The following NEB variants were observed in gnomAD, a reference collection of about 807,000 sequenced individuals.
NEB encodes the protein nebulin, also known as nemaline myopathy type 2.
In NEB, 512 loss-of-function variants were observed where a neutral mutation model predicts 952.2. That is an observed-to-expected ratio of 0.54 (90% CI 0.50 to 0.58). The LOEUF (loss-of-function observed/expected upper bound fraction) is 0.58, where lower values mean the gene tolerates loss of function less well. NEB is among the 20% of genes least tolerant of loss of function. The pLI is 0.00. For missense variants in NEB, 8,428 were observed against 9,231.1 expected (o/e 0.91, Z 3.56); for synonymous variants, 2,900 against 3,149.8 (o/e 0.92, Z 2.66).
intron 33 of NEB, 22 bp from the exon 34 acceptor site, chr2:151,677,793 G>A (rs1327698927): frequency 1.9e-6 from 3 of 1,613,460 alleles, no homozygotes; most frequent in Admixed American, 1.7e-5. Context: ...GAGAAAAGAG[G>A]AGTGAGGGCC....
chr2:151,662,300 A>G lies in NEB; in HGVS notation c.5805T>C (p.Ile1935=), dbSNP rs371554127. The change falls in exon 46 of 182, where the codon ATT becomes ATC. Residue 1935 remains isoleucine (I), a synonymous_variant. Coordinates refer to ENST00000397345, the MANE Select transcript of NEB (RefSeq NM_001164508.2). ...CCAGGGAGCCCAGAGGGAGCCATCCAATGCCCTTCATGAAGTCAGCATAGT... is the reference window on the plus strand; with the variant it reads ...CCAGGGAGCCCAGAGGGAGCCATCCGATGCCCTTCATGAAGTCAGCATAGT... ...KADYADFMKG[I]GWLPLGSLEA... 5.0e-6 allele frequency: 8 copies of G among 1,613,524 alleles called. No individual in the cohort carries two copies. The African/African-American group carries it at 9.3e-5, about 19-fold the overall frequency.
intron 13 of NEB, among the ~76,000 whole-genome samples, chr2:151,704,479 T>C (rs2149738891): frequency 6.6e-6 from 1 of 151,108 alleles, no homozygotes; most frequent in East Asian, 1.9e-4. Context: ...CCTTGCAGTT[T>C]GATCTCAGAC....
At position 151,710,357 on chromosome 2, in the gene NEB, G is replaced by A. The variant is rs888266613; in HGVS notation, c.927+77C>T. 3 of 939,950 alleles carry A rather than the reference G, an allele frequency of 3.2e-6. No individual in the cohort carries two copies. In the African/African-American group the frequency reaches 4.9e-5, roughly 15 times the overall value. 58.2% of individuals were successfully genotyped at this position (939,950 alleles called of 1,614,324 possible). ...AAGTGTTCTGGCACCCATTCAGGTA[G>A]AGCAAGTAGCTAGAAGTCACTAAGG... On this transcript the variant is annotated intron_variant, in intron 11 of 181. Coordinates refer to ENST00000397345, the MANE Select transcript of NEB (RefSeq NM_001164508.2).
intron 13 of NEB, among the ~76,000 whole-genome samples, chr2:151,704,838 C>A (rs1172733029): frequency 1.3e-5 from 2 of 152,208 alleles, no homozygotes; most frequent in Admixed American, 1.3e-4. Context: ...CTCGCTCACG[C>A]TGGGAGCTGT....
intron 145 of NEB, chr2:151,530,788 G>C (rs2090266948): frequency 4.8e-6 from 2 of 419,178 alleles, no homozygotes; most frequent in East Asian, 7.4e-5. Flanking sequence ...TGAGCCCCAG[G>C]TGTCTGCCAG....
intron 164 of NEB, among the ~76,000 whole-genome samples, chr2:151,505,773 T>C (rs1473163255): frequency 1.3e-5 from 2 of 152,152 alleles, no homozygotes; most frequent in African/African-American, 2.4e-5. Context: ...GCTTTGTCTC[T>C]CTCTCGTCTC....
chr2:151,537,835 G>T, intron 140 of NEB, 37 bp downstream of exon 140: 1 of 1,364,168 alleles, frequency 7.3e-7, no homozygotes, highest in East Asian at 2.4e-5. Context: ...ATGGGAATAT[G>T]AATTTATATG....
intron 161 of NEB, among the ~76,000 whole-genome samples, chr2:151,509,570 G>C (rs6433469): frequency 6.6e-6 from 1 of 151,872 alleles, no homozygotes; most frequent in African/African-American, 2.4e-5. Context: ...GCTATTTCTC[G>C]TGGCCCAATA....
In NEB at chr2:151,710,938, C is replaced by T. The variant is rs112396829; in HGVS notation, c.823-400G>A. ...CGTTAATTTCTAAGCTTTACAAACA[C>T]TCCTAGTTTTCCAGAAAGAAACAAC... On this transcript the variant is annotated intron_variant, in intron 10 of 181. Transcript: ENST00000397345. Among the ~76,000 whole-genome samples, 308 of 152,342 alleles carry T rather than the reference C, an allele frequency of 2.0e-3. 1 individual carries two copies. The highest frequency in any genetic ancestry group is 7.2e-3 in the African/African-American group (298 of 41,578).
intron 20 of NEB, 47 bp downstream of exon 20, chr2:151,694,276 C>A: frequency 2.6e-6 from 4 of 1,516,886 alleles, no homozygotes; most frequent in Non-Finnish European, 1.8e-6. Context: ...TAAACAGCAA[C>A]TTTGTGGCCA....
chr2:151,679,660 G>GGGCCCCC, intron 32 of NEB, 61 bp downstream of exon 32: 4 of 682,634 alleles, frequency 5.9e-6, no homozygotes, highest in African/African-American at 3.5e-5. Flanking sequence ...GTCATCGTCA[G>GGGCCCCC]ACCCCAAGCC....
At chr2:151,684,150 T>A (rs2099463864) in intron 28 of NEB, among the ~76,000 whole-genome samples, 1 of 152,216 alleles carries the variant, frequency 6.6e-6, no homozygotes, top group Admixed American at 6.5e-5. Context: ...TGTACAACAA[T>A]GTTAATATAC....
chr2:151,625,628 G>C lies in NEB; in HGVS notation c.10358C>G (p.Thr3453Arg), dbSNP rs781408732. The C allele has an allele frequency of 7.5e-6, 12 of 1,600,572 alleles. No individual in the cohort carries two copies. The highest frequency in any genetic ancestry group is 2.6e-6 in the Non-Finnish European group (3 of 1,170,962). Residue 3453 changes from threonine (T) to arginine (R), a missense_variant, in exon 71 of 182, where the codon ACA becomes AGA. Thr to Arg is a moderately conservative substitution (Grantham distance 71). Around this residue, in one of 11 missense-constraint regions of NEB, gnomAD observed 1,772 missense variants for 1,960.3 expected, o/e 0.90. Transcript: ENST00000397345. The stretch of plus-strand genomic sequence containing the variant: ...GGTCTTGTCTTTGTCCCAGGCTTCT[G>C]TGTATAAGCGCTGTGAAGGATAAAA... ...NALNMNKRLYTEAWDKDKTQV... is the reference protein window; with the variant it reads ...NALNMNKRLYREAWDKDKTQV...
At position 151,610,768 on chromosome 2, in the gene NEB, G is replaced by A; in HGVS notation, c.11904C>T (p.Ile3968=). 1 of 1,607,962 alleles carries A rather than the reference G, an allele frequency of 6.2e-7. No individual in the cohort carries two copies. Among genetic ancestry groups the A allele is most frequent in the Non-Finnish European group, 8.5e-7 (1 of 1,176,124 alleles). The stretch of plus-strand genomic sequence containing the variant: ...CAATCAGGAAATCTCTTACTTGGCT[G>A]ATATTGGCAGAATTACTCTTGGCCA... ...ILLAKSNSAN[I]SQKLYTKGWD... is the part of the protein sequence containing the mutation. The change falls in exon 79 of 182, where the codon ATC becomes ATT. Residue 3968 remains isoleucine (I), a synonymous_variant. Transcript: ENST00000397345.
chr2:151,666,005 A>G (rs1575588165), intron 41 of NEB, 85 bp downstream of exon 41: 2 of 1,347,894 alleles, frequency 1.5e-6, no homozygotes, highest in South Asian at 2.8e-5. Context: ...CAGTGAGTGC[A>G]GCCAGGTGTG....
intron 53 of NEB, 56 bp downstream of exon 53, chr2:151,650,518 C>T: frequency 2.7e-6 from 4 of 1,481,854 alleles, no homozygotes; most frequent in Non-Finnish European, 3.6e-6. Context: ...GACTAAATAG[C>T]TACTCATATA....
intron 11 of NEB, among the ~76,000 whole-genome samples, chr2:151,710,126 A>G (rs1415628834): frequency 6.6e-6 from 1 of 152,246 alleles, no homozygotes; most frequent in African/African-American, 2.4e-5. Context: ...CTCCTCAGGC[A>G]AAGAATAATT....
At chr2:151,558,783 T>G (rs2095833867) in intron 124 of NEB, among the ~76,000 whole-genome samples, 1 of 152,100 alleles carries the variant, frequency 6.6e-6, no homozygotes, top group African/African-American at 2.4e-5. Context: ...TCCTTACACC[T>G]CATACAAAAA....
rs148857439 is a variant in NEB, at chr2:151,654,758, C to G, written c.6807+512G>C. Reference sequence around the variant, plus strand: ...AATTTTAGGGATGAGGAAAGTGAGACTTAGATAGGTAATTGAGTTACCCAG... The same window carrying G: ...AATTTTAGGGATGAGGAAAGTGAGAGTTAGATAGGTAATTGAGTTACCCAG... On this transcript the variant is annotated intron_variant, in intron 51 of 181. Transcript: ENST00000397345. Among the ~76,000 whole-genome samples, 13 of 152,282 alleles carry G rather than the reference C, an allele frequency of 8.5e-5. No homozygotes were observed. In the East Asian group the frequency reaches 2.3e-3, roughly 27 times the overall value.
Sources: gnomAD v4.1 joint callset for allele counts (sites outside exome capture counted in the v4.1 genomes callset) on GRCh38, gnomAD v4.1.1 for gene constraint, gnomAD v4.1.1 regional missense constraint, MANE v1.5 for transcripts, NCBI Gene and HGNC (gene_info 2026-07-23, HGNC 2026-07-21) for gene names.